Variants in ARHGAP39 observed in about 807,000 individuals in gnomAD.
ARHGAP39 encodes Rho GTPase activating protein 39.
ARHGAP39 carries 44 observed loss-of-function variants against 106.9 expected under a neutral mutation model. The ratio of observed to expected loss-of-function variants is 0.41; its 90% CI spans 0.32 to 0.53. The LOEUF (loss-of-function observed/expected upper bound fraction) is 0.53. Ranked by LOEUF, ARHGAP39 falls within the 20% of genes least tolerant of loss-of-function variation. ARHGAP39 has a pLI of 0.21. For missense variants in ARHGAP39, 1,496 were observed against 1,577.3 expected (o/e 0.95, Z 0.87); for synonymous variants, 768 against 693.2 (o/e 1.11, Z -1.69).
At chr8:144,661,636 T>C (rs1023345697) in intron 1 of ARHGAP39, among the ~76,000 whole-genome samples, 1 of 152,108 alleles carries the variant, frequency 6.6e-6, no homozygotes, top group Non-Finnish European at 1.5e-5. Context: ...TCTGCCCGCC[T>C]CAGCCTCCCA....
chr8:144,635,960 C>T (rs1362935892), intron 1 of ARHGAP39, among the ~76,000 whole-genome samples: 6 of 20,932 alleles, frequency 2.9e-4, no homozygotes, highest in African/African-American at 1.3e-3. Context: ...CTGAGGCTAC[C>T]GCCAGGTAGA....
upstream of ARHGAP39, among the ~76,000 whole-genome samples, chr8:144,686,632 C>T (rs1166883056): frequency 1.3e-5 from 2 of 152,208 alleles, no homozygotes; most frequent in Non-Finnish European, 2.9e-5. Flanking sequence ...AGCTCAGTCG[C>T]CTTGCAGGGA....
At chr8:144,601,543 G>A (rs1441406780) in intron 2 of ARHGAP39, among the ~76,000 whole-genome samples, 3 of 134,864 alleles carry the variant, frequency 2.2e-5, no homozygotes, top group Non-Finnish European at 1.5e-5. Flanking sequence ...TGTGTGCATG[G>A]AGGCGTGCGT....
At chr8:144,590,544 T>G (rs541872169) in intron 2 of ARHGAP39, among the ~76,000 whole-genome samples, 1 of 152,174 alleles carries the variant, frequency 6.6e-6, no homozygotes, top group East Asian at 1.9e-4. Flanking sequence ...GCTGGCGCCA[T>G]GCTTCCTCCA....
In ARHGAP39 at chr8:144,573,884, A is replaced by AT. The variant is rs1350590948; in HGVS notation, c.512+6961dup. ...TTACAAATGAGTCAAAGAATAAATC[A>AT]TAATTAGGCTGGGAGTGGTGGCTCA... On this transcript the variant is annotated intron_variant, in intron 3 of 11. Coordinates refer to ENST00000377307, the MANE Select transcript of ARHGAP39 (RefSeq NM_025251.3). 9.2e-5 allele frequency among the ~76,000 whole-genome samples: 14 copies of AT among 152,244 alleles called. 1 individual carries two copies. In the South Asian group the frequency reaches 2.3e-3, roughly 25 times the overall value.
chr8:144,546,106 G>A (rs954950452), intron 5 of ARHGAP39, among the ~76,000 whole-genome samples: 36 of 152,186 alleles, frequency 2.4e-4, no homozygotes, highest in Admixed American at 2.2e-3. Flanking sequence ...GGGAGCATCC[G>A]CTGGCACCCC....
rs548483687 is a variant in ARHGAP39, at chr8:144,644,218, C to T, written c.-81-38523G>A. ...GACGGTGGACCCACTCAATGCGATG[C>T]TTCAGCCATAGAGAGGGATTGGCTC... On this transcript the variant is annotated intron_variant, in intron 1 of 11. Transcript: ENST00000377307. This position sits in a 1 kb window ranked among gnomAD's most constrained non-coding sequence, Gnocchi z 4.8. 1.2e-3 allele frequency among the ~76,000 whole-genome samples: 183 copies of T among 152,278 alleles called. No individual in the cohort carries two copies. The highest frequency in any genetic ancestry group is 4.0e-3 in the African/African-American group (166 of 41,566).
chr8:144,558,637 T>C (rs1818032494), intron 3 of ARHGAP39, among the ~76,000 whole-genome samples: 1 of 152,014 alleles, frequency 6.6e-6, no homozygotes, highest in African/African-American at 2.4e-5. Context: ...AGTAGGGAGC[T>C]AAAGAAAAAT....
intron 8 of ARHGAP39, among the ~76,000 whole-genome samples, chr8:144,533,717 AG>A (rs1816827165): frequency 6.6e-6 from 1 of 152,222 alleles, no homozygotes; most frequent in Non-Finnish European, 1.5e-5. Context: ...GCAGAGGCCA[AG>A]CTAGCTGAGC....
At position 144,603,678 on chromosome 8, in the gene ARHGAP39, A is replaced by G. The variant is rs577675076; in HGVS notation, c.80+1857T>C. Among the ~76,000 whole-genome samples, 11 of 148,748 alleles carry G rather than the reference A, an allele frequency of 7.4e-5. No individual in the cohort carries two copies. The East Asian group carries it at 2.2e-3, about 29-fold the overall frequency. On this transcript the variant is annotated intron_variant, in intron 2 of 11. Transcript: ENST00000377307. The stretch of plus-strand genomic sequence containing the variant: ...GCACTCCAGCCTGGGCGACAAAGCG[A>G]GACTCCATCAAAAAAAAAAAAAAAA...
intron 2 of ARHGAP39, among the ~76,000 whole-genome samples, chr8:144,600,745 G>A (rs541847189): frequency 8.6e-5 from 13 of 150,814 alleles, no homozygotes; most frequent in African/African-American, 1.5e-4. Flanking sequence ...CAAGGCGTGC[G>A]TGCGCACTTG....
intron 1 of ARHGAP39, among the ~76,000 whole-genome samples, chr8:144,623,909 C>A (rs1179714183): frequency 6.6e-6 from 1 of 152,234 alleles, no homozygotes; most frequent in African/African-American, 2.4e-5. Flanking sequence ...AGGAGCTCTG[C>A]GCCCGCATCC....
intron 2 of ARHGAP39, among the ~76,000 whole-genome samples, chr8:144,602,009 GCA>G (rs1819997869): frequency 6.9e-6 from 1 of 144,208 alleles, no homozygotes; most frequent in African/African-American, 2.6e-5. Context: ...CTGTGTGTGT[GCA>G]TGGAGGCGTG....
chr8:144,620,532 CCT>C (rs1230128465), intron 1 of ARHGAP39, among the ~76,000 whole-genome samples: 2 of 149,344 alleles, frequency 1.3e-5, no homozygotes, highest in African/African-American at 2.5e-5. Context: ...AGCCTGTGTC[CCT>C]GAGAGCATAT....
rs928139924 is a variant in ARHGAP39, at chr8:144,530,176, G to A, written c.*246C>T. On this transcript the variant is annotated 3_prime_UTR_variant, in exon 12 of 12. Coordinates refer to ENST00000377307, the MANE Select transcript of ARHGAP39 (RefSeq NM_025251.3). ...CTGACCCGCGGCCAGCGGAGGGCGA[G>A]GCGGTGCCCGCGGGAACTGGCCGTG... is the stretch of plus-strand genomic sequence containing the variant. 3.7e-6 allele frequency: 2 copies of A among 534,726 alleles called. No homozygotes were observed. Among genetic ancestry groups the A allele is most frequent in the Non-Finnish European group, 6.6e-6 (2 of 303,294 alleles). 33.1% of individuals were successfully genotyped at this position (534,726 alleles called of 1,614,324 possible).
chr8:144,553,614 C>T (rs904365919), intron 4 of ARHGAP39, among the ~76,000 whole-genome samples: 1 of 152,248 alleles, frequency 6.6e-6, no homozygotes, highest in Non-Finnish European at 1.5e-5. Flanking sequence ...GCCTCTTCTT[C>T]CAGACACCAC....
chr8:144,664,043 T>G (rs1218921862), intron 1 of ARHGAP39, among the ~76,000 whole-genome samples: 2 of 152,078 alleles, frequency 1.3e-5, no homozygotes, highest in East Asian at 3.9e-4. Flanking sequence ...GGTGTGCACC[T>G]GTAGTCCCAG....
chr8:144,631,975 T>A (rs1410148315), intron 1 of ARHGAP39, among the ~76,000 whole-genome samples: 2 of 152,138 alleles, frequency 1.3e-5, no homozygotes, highest in Non-Finnish European at 2.9e-5. Flanking sequence ...GGGCCATGAT[T>A]CTGAGCCCTC....
At chr8:144,555,493 G>T in intron 4 of ARHGAP39, 67 bp downstream of exon 4, 1 of 1,391,842 alleles carries the variant, frequency 7.2e-7, no homozygotes, top group Non-Finnish European at 1.0e-6. Context: ...CCCACTTGCA[G>T]TTAGCCTGGC....
Sources: gnomAD v4.1 joint callset for allele counts (sites outside exome capture counted in the v4.1 genomes callset) on GRCh38, gnomAD v4.1.1 for gene constraint, Gnocchi (gnomAD v3.1) non-coding constraint, MANE v1.5 for transcripts, NCBI Gene and HGNC (gene_info 2026-07-23, HGNC 2026-07-21) for gene names.